B4GALNT4: variants seen among roughly 807,000 people sequenced by gnomAD.
B4GALNT4 encodes the protein beta-1,4-N-acetyl-galactosaminyltransferase 4, also known as N-acetyl-beta-glucosaminyl-glycoprotein 4-beta-N-acetylgalactosaminyltransferase 1.
B4GALNT4 carries 77 observed loss-of-function variants against 110.0 expected under a neutral mutation model. The observed-to-expected ratio is 0.70, with a 90% confidence interval of 0.58 to 0.85. The LOEUF (loss-of-function observed/expected upper bound fraction) is 0.85, where lower values mean the gene tolerates loss of function less well. B4GALNT4 is among the 40% of genes least tolerant of loss of function. B4GALNT4 has a pLI of 0.00. For missense variants in B4GALNT4, 1,575 were observed against 1,506.0 expected, an observed-to-expected ratio of 1.05 and a Z score of -0.76; for synonymous variants, 785 against 655.5, an observed-to-expected ratio of 1.20 and a Z score of -3.02.
Position 373,279 on chromosome 11 carries a change from CT to C in B4GALNT4, c.627del (p.Phe209LeufsTer61), listed in dbSNP as rs1386308666. The stretch of plus-strand genomic sequence containing the variant: ...GCCCTGCTGCTGCCCAGCTTGTGGC[CT>C]TTGTGGGCAAGGTACCCCCACCCCA... Reference protein sequence around the residue: ...ESPAAAQLVAFVGKTGSEWTA... With the variant: ...ESPAAAQLVAXVGKTGSEWTA... On this transcript the variant is annotated frameshift_variant, in exon 6 of 20. Coordinates refer to ENST00000329962, the MANE Select transcript of B4GALNT4 (RefSeq NM_178537.5). LOFTEE classifies it high-confidence loss of function. The C allele has an allele frequency of 6.2e-7, 1 of 1,609,334 alleles. No individual in the cohort carries two copies. The highest frequency in any genetic ancestry group is 2.2e-5 in the East Asian group (1 of 44,746).
Position 375,444 on chromosome 11 carries a change from C to T in B4GALNT4, c.784-17C>T, listed in dbSNP as rs1404414840. 11 of 1,611,130 alleles carry T rather than the reference C, an allele frequency of 6.8e-6. No individual in the cohort carries two copies. The Admixed American group carries it at 8.3e-5, about 12-fold the overall frequency. The stretch of plus-strand genomic sequence containing the variant: ...GCCACCGCCCTGTCCCTGACCCCCA[C>T]CCTCTCTGCCCCGCAGTGGCGAGCT... On this transcript the variant is annotated splice_polypyrimidine_tract_variant and intron_variant, in intron 8 of 19. Coordinates refer to ENST00000329962, the MANE Select transcript of B4GALNT4 (RefSeq NM_178537.5).
chr11:380,443 A>G lies in B4GALNT4; in HGVS notation c.2867A>G (p.His956Arg), dbSNP rs1846851228. 1.3e-6 allele frequency: 2 copies of G among 1,596,226 alleles called. No homozygotes were observed. The highest frequency in any genetic ancestry group is 3.5e-5 in the Admixed American group (2 of 57,930). Residue 956 changes from histidine to arginine, a missense_variant and splice_region_variant, in exon 18 of 20, where the codon CAC becomes CGC. Transcript: ENST00000329962. The part of the protein sequence containing the change: ...LSCGSSPRDP[H>R]GYWEVNGFGL... ...TGCGGGAGCTCGCCCCGGGACCCCC[A>G]CGGTGAGGCCCCGAGCGTCCCACCC...
At chr11:373,675 C>A in intron 7 of B4GALNT4, 75 bp from the exon 8 acceptor site, 2 of 1,550,010 alleles carry the variant, frequency 1.3e-6, no homozygotes, top group Non-Finnish European at 1.8e-6. Flanking sequence ...GGTGTGGGAG[C>A]CACCTGCCCC....
At chr11:370,108 G>T (rs1173115693) in intron 1 of B4GALNT4, among the ~76,000 whole-genome samples, 154 bp downstream of exon 1, 2 of 149,484 alleles carry the variant, frequency 1.3e-5, no homozygotes, top group Non-Finnish European at 1.5e-5. Context: ...GGCTGGGCCC[G>T]ACCCTCCCGG....
intron 14 of B4GALNT4, among the ~76,000 whole-genome samples, chr11:378,269 G>A (rs1846801801): frequency 6.6e-6 from 1 of 152,184 alleles, no homozygotes; most frequent in Admixed American, 6.5e-5. Context: ...AGACAGGTAT[G>A]CCTCTGCCTG....
Position 377,068 on chromosome 11 carries a change from G to A in B4GALNT4, c.1945G>A (p.Gly649Arg). 3 of 1,445,794 alleles carry A rather than the reference G, an allele frequency of 2.1e-6. No individual in the cohort carries two copies. The South Asian group carries it at 4.4e-5, about 21-fold the overall frequency. 89.6% of individuals were successfully genotyped at this position (1,445,794 alleles called of 1,614,324 possible). ...LPGEGEEEEE[G>R]EDDGAPGDEA... ...CGGGGAGGGCGAAGAGGAGGAGGAA[G>A]GGGAGGACGATGGGGCCCCGGGCGA... Residue 649 changes from glycine (G) to arginine (R), a missense_variant, in exon 14 of 20, where the codon GGG (glycine) becomes AGG (arginine). By Grantham distance (125) the Gly-to-Arg change is moderately radical. Transcript: ENST00000329962.
In B4GALNT4 at chr11:377,163, C is replaced by T. The variant is rs1234643143; in HGVS notation, c.2040C>T (p.Ile680=). The T allele has an allele frequency of 1.3e-6, 2 of 1,559,468 alleles. No individual in the cohort carries two copies. The highest frequency in any genetic ancestry group is 2.7e-5 in the African/African-American group (2 of 72,956). ...TCGGACGCTGGCGTGAGGACGCCAT[C>T]GACTGGCAGCGCACGTTCAGCGTGG... ...PALGRWREDA[I]DWQRTFSVGA... is the part of the protein sequence containing the mutation. The change falls in exon 14 of 20, where the codon ATC becomes ATT. Residue 680 remains isoleucine, a synonymous_variant. Coordinates refer to ENST00000329962, the MANE Select transcript of B4GALNT4 (RefSeq NM_178537.5).
rs752698481 is a variant in B4GALNT4, at chr11:379,596, G to C, written c.2383G>C (p.Glu795Gln). 1 of 1,573,452 alleles carries C rather than the reference G, an allele frequency of 6.4e-7. No homozygotes were observed. The highest frequency in any genetic ancestry group is 8.6e-7 in the Non-Finnish European group (1 of 1,161,752). Residue 795 changes from glutamate to glutamine, a missense_variant, in exon 15 of 20, where the codon GAA becomes CAA. Coordinates refer to ENST00000329962, the MANE Select transcript of B4GALNT4 (RefSeq NM_178537.5). ...AGGGGATGCAGACGGAGAAAGTCCC[G>C]AACCCGCTCCCGCCGCCTCCGTGCG... ...RVGDADGESP[E>Q]PAPAASVRPD...
chr11:373,000 G>T, intron 4 of B4GALNT4, 26 bp from the exon 5 acceptor site: 1 of 1,612,506 alleles, frequency 6.2e-7, no homozygotes. Context: ...AGGGGGCTTC[G>T]ACAGCAACAG....
chr11:371,258 G>C (rs1469526620), intron 1 of B4GALNT4, among the ~76,000 whole-genome samples: 2 of 152,166 alleles, frequency 1.3e-5, no homozygotes, highest in Non-Finnish European at 2.9e-5. Context: ...GAGGGCGAGT[G>C]AGCAGACTGT....
chr11:380,188 G>A lies in B4GALNT4; in HGVS notation c.2701G>A (p.Val901Met). ...GCGCTCCGCCGGGCTGCAGGCGGGA[G>A]TGGACGCGGTAGAGGTCCGAGGGCC... ...FERSAGLQAG[V>M]DAVEDASSIV... The change falls in exon 17 of 20, where the codon GTG becomes ATG. Residue 901 changes from valine to methionine, a missense_variant. Val to Met is a conservative substitution (Grantham distance 21, BLOSUM62 1). Transcript: ENST00000329962. The A allele has an allele frequency of 6.2e-7, 1 of 1,603,012 alleles. No individual in the cohort carries two copies. Among genetic ancestry groups the A allele is most frequent in the Non-Finnish European group, 8.5e-7 (1 of 1,172,630 alleles).
intron 18 of B4GALNT4, 63 bp downstream of exon 18, chr11:380,508 C>T: frequency 2.6e-6 from 4 of 1,529,994 alleles, no homozygotes; most frequent in Non-Finnish European, 2.6e-6. Flanking sequence ...CGGTAAAGTC[C>T]AGGAACCCGG....
intron 1 of B4GALNT4, 56 bp from the exon 2 acceptor site, chr11:372,053 C>A (rs1393577041): frequency 5.6e-6 from 8 of 1,429,762 alleles, no homozygotes; most frequent in South Asian, 3.7e-5. Flanking sequence ...CAGCAGCAGG[C>A]AGAATGGCCT....
chr11:379,771 G>A, intron 15 of B4GALNT4, 70 bp downstream of exon 15: 1 of 1,511,366 alleles, frequency 6.6e-7, no homozygotes, highest in Non-Finnish European at 8.8e-7. Flanking sequence ...GACTAGGAAA[G>A]GGTGTGGGTG....
At position 377,330 on chromosome 11, in the gene B4GALNT4, A is replaced by G; in HGVS notation, c.2204+3A>G. 1 of 1,516,306 alleles carries G rather than the reference A, an allele frequency of 6.6e-7. No individual in the cohort carries two copies. The highest frequency in any genetic ancestry group is 8.8e-7 in the Non-Finnish European group (1 of 1,135,986). 93.9% of individuals were successfully genotyped at this position (1,516,306 alleles called of 1,614,324 possible). On this transcript the variant is annotated splice_donor_region_variant and intron_variant, in intron 14 of 19. Coordinates refer to ENST00000329962, the MANE Select transcript of B4GALNT4 (RefSeq NM_178537.5). Reference sequence around the variant, plus strand: ...CGGCTGAACGCGCGCCACGGCGGGTATGGGGGCGGCCGAACGCGCGCCAGG... The same window carrying G: ...CGGCTGAACGCGCGCCACGGCGGGTGTGGGGGCGGCCGAACGCGCGCCAGG...
At position 373,082 on chromosome 11, in the gene B4GALNT4, C is replaced by A; in HGVS notation, c.501C>A (p.Leu167=). The A allele has an allele frequency of 6.2e-7, 1 of 1,612,414 alleles. No homozygotes were observed. Among genetic ancestry groups the A allele is most frequent in the Non-Finnish European group, 8.5e-7 (1 of 1,179,844 alleles). The part of the protein sequence containing the change: ...AVSPKWKNYG[L]RIFGFIHPAR... Reference sequence around the variant, plus strand: ...CCCCCAAGTGGAAGAACTATGGACTCCGTATTTTTGGTTTCATCCACCCGG... The same window carrying A: ...CCCCCAAGTGGAAGAACTATGGACTACGTATTTTTGGTTTCATCCACCCGG... The change falls in exon 5 of 20, where the codon CTC becomes CTA. Residue 167 remains leucine, a synonymous_variant. Transcript: ENST00000329962.
chr11:375,977 C>A (rs1368895019), intron 11 of B4GALNT4, 21 bp downstream of exon 11: 1 of 1,607,072 alleles, frequency 6.2e-7, no homozygotes, highest in Non-Finnish European at 8.5e-7. Context: ...CTGGAGACCC[C>A]GTCTCCCGTC....
At chr11:375,611 G>T (rs1846728678) in intron 9 of B4GALNT4, 28 bp from the exon 10 acceptor site, 1 of 1,596,570 alleles carries the variant, frequency 6.3e-7, no homozygotes, top group African/African-American at 1.3e-5. Context: ...GGGGGTCTGA[G>T]CACTCCCTGG....
chr11:375,208 G>A (rs1846717152), intron 8 of B4GALNT4, among the ~76,000 whole-genome samples: 1 of 149,522 alleles, frequency 6.7e-6, no homozygotes, highest in African/African-American at 2.5e-5. Flanking sequence ...GGAAGGGAGG[G>A]AGGAGGAAAG....
Sources: gnomAD v4.1 joint callset for allele counts (sites outside exome capture counted in the v4.1 genomes callset) on GRCh38, gnomAD v4.1.1 for gene constraint, MANE v1.5 for transcripts, NCBI Gene and HGNC (gene_info 2026-07-23, HGNC 2026-07-21) for gene names.